CHRNA4: variants seen among roughly 807,000 people sequenced by gnomAD.
CHRNA4 encodes the protein cholinergic receptor nicotinic alpha 4 subunit, also known as neuronal acetylcholine receptor subunit alpha-4.
In CHRNA4, 28 loss-of-function variants were observed where a neutral mutation model predicts 48.9. The observed-to-expected ratio is 0.57, with a 90% CI of 0.42 to 0.79. The LOEUF (loss-of-function observed/expected upper bound fraction) is 0.79, where lower values mean the gene tolerates loss of function less well. Ranked by LOEUF, CHRNA4 falls within the 30% of genes least tolerant of loss-of-function variation. The pLI is 0.00. For synonymous variants in CHRNA4, 425 were observed against 402.3 expected, an observed-to-expected ratio of 1.06 and a Z score of -0.68; for missense variants, 859 against 898.4, an observed-to-expected ratio of 0.96 and a Z score of 0.56.
chr20:63,349,743 C>T lies in CHRNA4; in HGVS notation c.1668G>A (p.Pro556=), dbSNP rs201046333. The change falls in exon 5 of 6, where the codon CCG becomes CCA. Residue 556 remains proline, a synonymous_variant. Coordinates refer to ENST00000370263, the MANE Select transcript of CHRNA4 (RefSeq NM_000744.7). ...VKTRSTKAPP[P]HLPLSPALTR... is the part of the protein sequence containing the mutation. The stretch of plus-strand genomic sequence containing the variant: ...TCAGGGCCGGCGACAGGGGCAGGTG[C>T]GGGGGCGGCGCTTTGGTGCTGCGGG... The T allele has an allele frequency of 2.1e-5, 34 of 1,612,200 alleles. No homozygotes were observed. Among genetic ancestry groups the T allele is most frequent in the African/African-American group, 2.7e-5 (2 of 74,926 alleles).
chr20:63,360,507 G>A (rs1032294538), intron 1 of CHRNA4, among the ~76,000 whole-genome samples: 5 of 152,156 alleles, frequency 3.3e-5, no homozygotes, highest in Admixed American at 6.5e-5. Context: ...CATAAGGGGC[G>A]GGTCTGGGCG....
chr20:63,355,466 T>C, intron 4 of CHRNA4: 1 of 1,221,572 alleles, frequency 8.2e-7, no homozygotes, highest in Non-Finnish European at 1.1e-6. Context: ...GAGGCCCTAG[T>C]GGCATGAGAA....
chr20:63,343,326 T>C lies in CHRNA4; in HGVS notation c.*3412A>G, dbSNP rs1431408946. The C allele has an allele frequency of 2.2e-6, 1 of 449,280 alleles. No individual in the cohort carries two copies. Among genetic ancestry groups the C allele is most frequent in the South Asian group, 1.6e-5 (1 of 64,370 alleles). 27.8% of individuals were successfully genotyped at this position (449,280 alleles called of 1,614,324 possible). A position where few individuals can be genotyped will look rare whatever the true frequency, so the allele number is the denominator to read the frequency against. On this transcript the variant is annotated 3_prime_UTR_variant, in exon 6 of 6. Transcript: ENST00000370263. Reference sequence around the variant, plus strand: ...AGAAGCCGGGCGGCCGCACCTGGGCTCGGCGGGCCACACGGTCGGCGGGGC... The same window carrying C: ...AGAAGCCGGGCGGCCGCACCTGGGCCCGGCGGGCCACACGGTCGGCGGGGC...
At chr20:63,349,032 C>CG (rs891343833) in intron 5 of CHRNA4, among the ~76,000 whole-genome samples, 1 of 152,048 alleles carries the variant, frequency 6.6e-6, no homozygotes, top group Admixed American at 6.5e-5. Flanking sequence ...CCCCGGGCCC[C>CG]GGGGGGCCTT....
intron 4 of CHRNA4, chr20:63,354,584 A>G: frequency 2.0e-6 from 1 of 487,900 alleles, no homozygotes; most frequent in Non-Finnish European, 2.4e-6. Flanking sequence ...AGGCTGTGGA[A>G]GTGGGGGGGG....
In CHRNA4 at chr20:63,351,900, G is replaced by T. The variant is rs1293344675; in HGVS notation, c.384-873C>A. ...TCCATAGACAGCGGCTGGCTGGGTGGGACGCACTGCAGGAGCACATTCAGG... is the reference window on the plus strand; with the variant it reads ...TCCATAGACAGCGGCTGGCTGGGTGTGACGCACTGCAGGAGCACATTCAGG... On this transcript the variant is annotated intron_variant, in intron 4 of 5. Transcript: ENST00000370263. Among the ~76,000 whole-genome samples, 3 of 152,204 alleles carry T rather than the reference G, an allele frequency of 2.0e-5. No homozygotes were observed. In the East Asian group the frequency reaches 5.8e-4, roughly 29 times the overall value.
At position 63,348,659 on chromosome 20, in the gene CHRNA4, G is replaced by A. The variant is rs45602242; in HGVS notation, c.1758+994C>T. 1.8e-3 allele frequency among the ~76,000 whole-genome samples: 278 copies of A among 152,330 alleles called. 5 individuals carry two copies. Among genetic ancestry groups the A allele is most frequent in the East Asian group, 0.017 (90 of 5,178 alleles). ...AGCCAGGAGGTGCCGGCGACAGCAG[G>A]TGGATGGACAGGACAGATGCCGAAT... is the stretch of plus-strand genomic sequence containing the variant. On this transcript the variant is annotated intron_variant, in intron 5 of 5. Transcript: ENST00000370263.
rs762852129 is a variant in CHRNA4, at chr20:63,345,853, G to A, written c.*885C>T. ...CAGGGCCCAGGTCTGGACTCCATTC[G>A]GGACCTTCCCAGCTCCGGGGAATCA... On this transcript the variant is annotated 3_prime_UTR_variant, in exon 6 of 6. Coordinates refer to ENST00000370263, the MANE Select transcript of CHRNA4 (RefSeq NM_000744.7). This position sits in a 1 kb window ranked among gnomAD's most constrained non-coding sequence, Gnocchi z 5.4. 6 of 452,596 alleles carry A rather than the reference G, an allele frequency of 1.3e-5. No individual in the cohort carries two copies. The highest frequency in any genetic ancestry group is 4.7e-5 in the South Asian group (3 of 64,388). The allele number at this position is 452,596 out of a possible 1,614,324, so 28.0% of individuals were successfully genotyped here.
In CHRNA4 at chr20:63,343,655, C is replaced by T. The variant is rs777209526; in HGVS notation, c.*3083G>A. ...CGGGCCACACGGGAAGCACCCAGGC[C>T]GGTCCGGAGGCAGAAGGGGCTGGGA... On this transcript the variant is annotated 3_prime_UTR_variant, in exon 6 of 6. Coordinates refer to ENST00000370263, the MANE Select transcript of CHRNA4 (RefSeq NM_000744.7). 29 of 449,508 alleles carry T rather than the reference C, an allele frequency of 6.5e-5. No homozygotes were observed. Among genetic ancestry groups the T allele is most frequent in the South Asian group, 2.6e-4 (17 of 64,240 alleles). 27.8% of individuals were successfully genotyped at this position (449,508 alleles called of 1,614,324 possible).
At chr20:63,348,167 C>A (rs560023282) in intron 5 of CHRNA4, among the ~76,000 whole-genome samples, 1 of 152,210 alleles carries the variant, frequency 6.6e-6, no homozygotes, top group Non-Finnish European at 1.5e-5. Flanking sequence ...GGTCAGGCAG[C>A]GGCAGCAATC....
chr20:63,356,222 G>C, intron 3 of CHRNA4, 138 bp from the exon 4 acceptor site: 1 of 534,186 alleles, frequency 1.9e-6, no homozygotes, highest in Non-Finnish European at 3.4e-6. Context: ...GCAGGGGCGG[G>C]ACAGGGCCAG....
At chr20:63,349,581 A>G in intron 5 of CHRNA4, 72 bp downstream of exon 5, 1 of 1,580,024 alleles carries the variant, frequency 6.3e-7, no homozygotes, top group Non-Finnish European at 8.7e-7. Context: ...TGGATTACAC[A>G]CCAGGAAGAA....
chr20:63,349,659 G>A lies in CHRNA4; in HGVS notation c.1752C>T (p.Asp584=). The stretch of plus-strand genomic sequence containing the variant: ...AGCCATGGGCGGGACTTACCGAGAA[G>A]TCTGTGTCTTCGGCCTTCAGGTGGT... ...IADHLKAEDT[D]FSVKEDWKYV... is the part of the protein sequence containing the mutation. The change falls in exon 5 of 6, where the codon GAC becomes GAT. Residue 584 remains aspartate (D), a synonymous_variant. Transcript: ENST00000370263. 6.2e-7 allele frequency: 1 copy of A among 1,612,838 alleles called. No homozygotes were observed. The highest frequency in any genetic ancestry group is 8.5e-7 in the Non-Finnish European group (1 of 1,179,890).
rs201278574 is a variant in CHRNA4 at position 63,345,387 on chromosome 20, C to T, written c.*1351G>A. 14 of 421,050 alleles carry T rather than the reference C, an allele frequency of 3.3e-5. No homozygotes were observed. The highest frequency in any genetic ancestry group is 1.6e-4 in the African/African-American group (8 of 49,536). The allele number at this position is 421,050 out of a possible 1,614,324, so 26.1% of individuals were successfully genotyped here. On this transcript the variant is annotated 3_prime_UTR_variant, in exon 6 of 6. Transcript: ENST00000370263. The surrounding 1 kb of genome is among the most constrained non-coding windows in gnomAD (Gnocchi z 5.4). Reference sequence around the variant, plus strand: ...GCCATCCTGGCCCCGCCCCTCTGGGCCCTTGGAATCATGGAGGGGTGGGGC... The same window carrying T: ...GCCATCCTGGCCCCGCCCCTCTGGGTCCTTGGAATCATGGAGGGGTGGGGC...
chr20:63,351,709 C>T (rs563893318), intron 4 of CHRNA4, among the ~76,000 whole-genome samples: 1 of 152,352 alleles, frequency 6.6e-6, no homozygotes, highest in South Asian at 2.1e-4. Context: ...TACGCACTGC[C>T]CAGTTCCAGG....
At chr20:63,349,601 G>C (rs56160350) in intron 5 of CHRNA4, 52 bp downstream of exon 5, 11 of 1,606,166 alleles carry the variant, frequency 6.8e-6, no homozygotes, top group Non-Finnish European at 9.4e-6. Flanking sequence ...AAGGGCGTCC[G>C]CCGGTTCCGT....
In CHRNA4 at chr20:63,356,072, A is replaced by G; in HGVS notation, c.286T>C (p.Tyr96His). The G allele has an allele frequency of 1.4e-6, 2 of 1,475,114 alleles. No homozygotes were observed. The highest frequency in any genetic ancestry group is 2.9e-5 in the East Asian group (1 of 34,342). 91.4% of individuals were successfully genotyped at this position (1,475,114 alleles called of 1,614,324 possible). A position where few individuals can be genotyped will look rare whatever the true frequency, so the allele number is the denominator to read the frequency against. Residue 96 changes from tyrosine to histidine, a missense_variant, in exon 4 of 6, where the codon TAC becomes CAC. Around this residue, in one of 3 missense-constraint regions of CHRNA4, gnomAD observed 342 missense variants for 365.3 expected, o/e 0.94. Coordinates refer to ENST00000370263, the MANE Select transcript of CHRNA4 (RefSeq NM_000744.7). ...TCAGCTGGGTCCCAGCGCAGCTTGT[A>G]GTCGTGCCACTCCTGGATGAGGTGG... ...NVWVKQEWHD[Y>H]KLRWDPADYE... is the part of the protein sequence containing the mutation.
At chr20:63,359,897 CTGTGTGTGTGTGTG>C (rs57641753) in intron 1 of CHRNA4, 198 bp from the exon 2 acceptor site, 12 of 436,226 alleles carry the variant, frequency 2.8e-5, no homozygotes, top group African/African-American at 3.2e-5. Context: ...CGGGCGTGTG[CTGTGTGTGTGTGTG>C]TGTGTGTGTG....
intron 5 of CHRNA4, 30 bp from the exon 6 acceptor site, chr20:63,346,893 C>G: frequency 6.2e-7 from 1 of 1,611,410 alleles, no homozygotes; most frequent in South Asian, 1.1e-5. Flanking sequence ...CACTCCAGCA[C>G]GGCCCGGCCG....
Sources: allele counts gnomAD v4.1 joint callset (sites outside exome capture counted in the v4.1 genomes callset), GRCh38; gene constraint gnomAD v4.1.1; regional missense constraint gnomAD v4.1.1; non-coding constraint Gnocchi (gnomAD v3.1); transcripts MANE v1.5; gene names NCBI Gene and HGNC (gene_info 2026-07-23, HGNC 2026-07-21).